Variants in MTHFD1L observed in about 807,000 individuals in gnomAD.
MTHFD1L encodes methylenetetrahydrofolate dehydrogenase (NADP+ dependent) 1 like, also known as monofunctional C1-tetrahydrofolate synthase, mitochondrial.
Under a neutral mutation model 119.5 loss-of-function variants are expected in MTHFD1L, and 81 were observed. That is an observed-to-expected ratio of 0.68 (90% CI 0.57 to 0.82). The LOEUF is 0.82. Ranked by LOEUF, MTHFD1L falls within the 40% of genes least tolerant of loss-of-function variation. The pLI is 0.00. For missense variants in MTHFD1L, 1,125 were observed against 1,253.4 expected, an observed-to-expected ratio of 0.90 and a Z score of 1.55; for synonymous variants, 430 against 475.2, an observed-to-expected ratio of 0.90 and a Z score of 1.24.
intron 26 of MTHFD1L, among the ~76,000 whole-genome samples, chr6:151,052,159 G>T (rs571921329): frequency 5.9e-5 from 9 of 152,214 alleles, no homozygotes; most frequent in Non-Finnish European, 1.3e-4. Flanking sequence ...ACTGACCCGC[G>T]AGTGCCCTGC....
At chr6:151,083,759 T>G (rs1455021227) in intron 26 of MTHFD1L, among the ~76,000 whole-genome samples, 1 of 152,216 alleles carries the variant, frequency 6.6e-6, no homozygotes, top group Non-Finnish European at 1.5e-5. Flanking sequence ...TGGTGACCAT[T>G]TACACTTTTC....
chr6:150,904,016 C>G (rs1028158898), intron 7 of MTHFD1L, among the ~76,000 whole-genome samples: 2 of 152,162 alleles, frequency 1.3e-5, no homozygotes, highest in African/African-American at 4.8e-5. Context: ...TTGATCTTGG[C>G]TTTTCTGTTC....
chr6:151,026,035 T>C (rs115202324), intron 24 of MTHFD1L, among the ~76,000 whole-genome samples: 1,612 of 152,304 alleles, frequency 0.011, 21 homozygotes, highest in African/African-American at 0.036. Context: ...TTTTTTGTCA[T>C]CAAAAAATTA....
chr6:151,096,342 A>G (rs1794895351), intron 27 of MTHFD1L, among the ~76,000 whole-genome samples: 1 of 152,122 alleles, frequency 6.6e-6, no homozygotes, highest in Non-Finnish European at 1.5e-5. Flanking sequence ...GTGAATTGCT[A>G]AATACAGTTC....
chr6:150,889,402 C>T (rs190265152), intron 7 of MTHFD1L, among the ~76,000 whole-genome samples: 4 of 152,212 alleles, frequency 2.6e-5, no homozygotes, highest in Non-Finnish European at 5.9e-5. Flanking sequence ...CCCAAAAGCA[C>T]AGATTGCTAA....
chr6:151,012,125 T>C (rs531481840), intron 21 of MTHFD1L, among the ~76,000 whole-genome samples: 2 of 151,480 alleles, frequency 1.3e-5, no homozygotes, highest in African/African-American at 2.4e-5. Context: ...CTGCCTCACA[T>C]TGTTTCATGA....
At chr6:151,076,524 G>T (rs1161548487) in intron 26 of MTHFD1L, among the ~76,000 whole-genome samples, 1 of 151,800 alleles carries the variant, frequency 6.6e-6, no homozygotes, top group African/African-American at 2.4e-5. Context: ...GGTGGCACAC[G>T]CCTGTAATCC....
chr6:150,905,572 A>G, intron 7 of MTHFD1L, 78 bp from the exon 8 acceptor site: 1 of 1,005,868 alleles, frequency 9.9e-7, no homozygotes, highest in Non-Finnish European at 1.6e-6. Flanking sequence ...ATTGTGTAGA[A>G]CTCATTTGAC....
chr6:150,960,526 A>G, intron 18 of MTHFD1L, 111 bp downstream of exon 18: 1 of 1,388,476 alleles, frequency 7.2e-7, no homozygotes, highest in Non-Finnish European at 9.6e-7. Context: ...GGATACAGAA[A>G]AAGTTTCCAC....
chr6:150,924,289 C>T (rs1789542750), intron 10 of MTHFD1L, among the ~76,000 whole-genome samples: 1 of 152,116 alleles, frequency 6.6e-6, no homozygotes, highest in South Asian at 2.1e-4. Context: ...GGCTTCATCT[C>T]TGCTCATTGT....
rs190439952 is a variant in MTHFD1L, at chr6:150,980,670, C to A, written c.2125+8612C>A. Among the ~76,000 whole-genome samples the A allele has an allele frequency of 6.4e-5, 9 of 140,590 alleles. No individual in the cohort carries two copies. The East Asian group carries it at 1.9e-3, about 29-fold the overall frequency. The allele number at this position is 140,590 out of a possible 152,430, so 92.2% of individuals were successfully genotyped here. A position where few individuals can be genotyped will look rare whatever the true frequency, so the allele number is the denominator to read the frequency against. On this transcript the variant is annotated intron_variant, in intron 20 of 27. Transcript: ENST00000367321. ...AGGCAGGAGGATCAATTATGCCCAGCAGTTTAATTCTCCTGGGCAACAGAG... is the reference window on the plus strand; with the variant it reads ...AGGCAGGAGGATCAATTATGCCCAGAAGTTTAATTCTCCTGGGCAACAGAG...
At chr6:151,085,026 T>C (rs1286387980) in intron 26 of MTHFD1L, among the ~76,000 whole-genome samples, 4 of 143,956 alleles carry the variant, frequency 2.8e-5, no homozygotes, top group Admixed American at 6.9e-5. Flanking sequence ...TATATGTATA[T>C]ACACACACAC....
intron 26 of MTHFD1L, among the ~76,000 whole-genome samples, chr6:151,078,130 C>T (rs76691075): frequency 0.018 from 2,640 of 147,070 alleles, 87 homozygotes; most frequent in African/African-American, 0.061. Context: ...AGAATAATGA[C>T]GAAGCCAGAC....
At chr6:151,041,145 A>G (rs755641608) in intron 26 of MTHFD1L, among the ~76,000 whole-genome samples, 9 of 152,162 alleles carry the variant, frequency 5.9e-5, no homozygotes, top group Non-Finnish European at 1.3e-4. Context: ...CTGACTACAG[A>G]AGTTCCTGGA....
intron 16 of MTHFD1L, among the ~76,000 whole-genome samples, chr6:150,954,929 A>T (rs1353124241): frequency 1.3e-5 from 2 of 152,154 alleles, no homozygotes; most frequent in Non-Finnish European, 2.9e-5. Flanking sequence ...CTAATAAGCC[A>T]GTGAAGAAAA....
intron 1 of MTHFD1L, 153 bp from the exon 2 acceptor site, chr6:150,875,937 G>A (rs748727211): frequency 2.8e-4 from 165 of 599,408 alleles, no homozygotes; most frequent in Admixed American, 7.0e-4. Flanking sequence ...TTGTTACGCC[G>A]CCTACCCCCT....
At position 150,868,339 on chromosome 6, in the gene MTHFD1L, ATT is replaced by A. The variant is rs34073444; in HGVS notation, c.227+2307_227+2308del. 3.4e-3 allele frequency among the ~76,000 whole-genome samples: 458 copies of A among 136,630 alleles called. 3 individuals are homozygous for A. The highest frequency in any genetic ancestry group is 9.3e-3 in the African/African-American group (336 of 36,208). The allele number at this position is 136,630 out of a possible 152,430, so 89.6% of individuals were successfully genotyped here. Reference sequence around the variant, plus strand: ...GTCCCTCAACAAATGGTGGCTATTAATTTTTTTTTTTTTTTTTTGAGACGGAA... The same window carrying A: ...GTCCCTCAACAAATGGTGGCTATTAATTTTTTTTTTTTTTTTGAGACGGAA... On this transcript the variant is annotated intron_variant, in intron 1 of 27. Transcript: ENST00000367321.
chr6:151,076,508 G>A (rs1032460921), intron 26 of MTHFD1L, among the ~76,000 whole-genome samples: 1 of 151,958 alleles, frequency 6.6e-6, no homozygotes, highest in East Asian at 1.9e-4. Context: ...AAAATTAATT[G>A]GGCATGGTGG....
At chr6:151,004,914 T>C (rs773964256) in intron 20 of MTHFD1L, among the ~76,000 whole-genome samples, 1 of 152,258 alleles carries the variant, frequency 6.6e-6, no homozygotes, top group Non-Finnish European at 1.5e-5. Flanking sequence ...TTATTAAATA[T>C]GCAGCTTTCA....
Sources: gnomAD v4.1 joint callset for allele counts (sites outside exome capture counted in the v4.1 genomes callset) on GRCh38, gnomAD v4.1.1 for gene constraint, MANE v1.5 for transcripts, NCBI Gene and HGNC (gene_info 2026-07-23, HGNC 2026-07-21) for gene names.